The following TMEM175 variants were observed in gnomAD, a reference collection of about 807,000 sequenced individuals.
TMEM175 encodes transmembrane protein 175, also known as endosomal/lysosomal proton channel TMEM175.
TMEM175 carries 36 observed loss-of-function variants against 36.5 expected under a neutral mutation model. That is an observed-to-expected ratio of 0.99 (90% CI 0.76 to 1.30). The LOEUF (loss-of-function observed/expected upper bound fraction) is 1.30, where lower values mean the gene tolerates loss of function less well. Among genes scored for constraint, TMEM175 ranks in the 50% most tolerant of loss-of-function variants. TMEM175 has a pLI of 0.00. For missense variants in TMEM175, 705 were observed against 692.8 expected (o/e 1.02, Z -0.20); for synonymous variants, 339 against 313.4 (o/e 1.08, Z -0.86).
intron 6 of TMEM175, 127 bp from the exon 7 acceptor site, chr4:952,240 C>T (rs1286465734): frequency 7.4e-6 from 6 of 807,998 alleles, no homozygotes; most frequent in Non-Finnish European, 1.2e-5. Context: ...TGGCGCCATC[C>T]TGTGATGGCC....
In TMEM175 at chr4:957,904, C is replaced by G. The variant is rs372100086; in HGVS notation, c.923C>G (p.Pro308Arg). Reference sequence around the variant, plus strand: ...GTGGCCGCCCTGAGTGCGACCGGGCCGCGCTTCCTGGCGTACTTCGGCTCC... The same window carrying G: ...GTGGCCGCCCTGAGTGCGACCGGGCGGCGCTTCCTGGCGTACTTCGGCTCC... ...SLVAALSATG[P>R]RFLAYFGSFA... Residue 308 changes from proline (P) to arginine (R), a missense_variant, in exon 11 of 11, where the codon CCG becomes CGG. Physicochemically the swap from Pro to Arg is moderately radical, Grantham distance 103 (BLOSUM62 -2). Coordinates refer to ENST00000264771, the MANE Select transcript of TMEM175 (RefSeq NM_032326.4). The G allele has an allele frequency of 5.6e-6, 9 of 1,612,860 alleles. No individual in the cohort carries two copies. The highest frequency in any genetic ancestry group is 7.6e-6 in the Non-Finnish European group (9 of 1,179,970).
chr4:954,394 G>A (rs1729355192), intron 8 of TMEM175, among the ~76,000 whole-genome samples: 1 of 152,222 alleles, frequency 6.6e-6, no homozygotes, highest in African/African-American at 2.4e-5. Context: ...CTGCTCATGG[G>A]GACATCAGCT....
intron 1 of TMEM175, among the ~76,000 whole-genome samples, chr4:945,240 G>A (rs1282239605): frequency 6.7e-6 from 1 of 149,816 alleles, no homozygotes; most frequent in Non-Finnish European, 1.5e-5. Flanking sequence ...CTAAACTGTC[G>A]CTGAAACACA....
intron 1 of TMEM175, among the ~76,000 whole-genome samples, chr4:946,593 A>G (rs923783397): frequency 6.6e-6 from 1 of 152,180 alleles, no homozygotes; most frequent in African/African-American, 2.4e-5. Context: ...TGTCTCCGTG[A>G]GGCGCTGGGG....
intron 1 of TMEM175, among the ~76,000 whole-genome samples, chr4:937,302 G>A (rs1161924151): frequency 1.3e-5 from 2 of 152,182 alleles, no homozygotes; most frequent in Non-Finnish European, 2.9e-5. Flanking sequence ...AGTAGCTCAT[G>A]CCTGTAATCC....
chr4:950,292 C>T, intron 3 of TMEM175, 129 bp from the exon 4 acceptor site: 1 of 726,896 alleles, frequency 1.4e-6, no homozygotes, highest in East Asian at 2.6e-5. Context: ...CCAGGTGCCT[C>T]ACAGGACCCA....
intron 9 of TMEM175, 123 bp downstream of exon 9, chr4:955,606 C>A: frequency 1.4e-6 from 2 of 1,427,150 alleles, no homozygotes; most frequent in Non-Finnish European, 9.6e-7. Flanking sequence ...CTGGGGCTCC[C>A]CCACTCCGCC....
In TMEM175 at chr4:932,544, G is replaced by T; in HGVS notation, c.-32+4G>T. The T allele has an allele frequency of 2.2e-6, 1 of 450,790 alleles. No homozygotes were observed. The highest frequency in any genetic ancestry group is 3.9e-6 in the Non-Finnish European group (1 of 258,336). The allele number at this position is 450,790 out of a possible 1,614,324, so 27.9% of individuals were successfully genotyped here. On this transcript the variant is annotated splice_donor_region_variant and intron_variant, in intron 1 of 10. Coordinates refer to ENST00000264771, the MANE Select transcript of TMEM175 (RefSeq NM_032326.4). This position sits in a 1 kb window ranked among gnomAD's most constrained non-coding sequence, Gnocchi z 4.0. Reference sequence around the variant, plus strand: ...CGCCGAGGCGATTCCCGCCCAGGTAGTTCAGCGCCCCAGTCCAGCTCCCGG... The same window carrying T: ...CGCCGAGGCGATTCCCGCCCAGGTATTTCAGCGCCCCAGTCCAGCTCCCGG...
At chr4:945,147 T>TAGGCAGCCTGTTATGGCAGTCCCAGTG (rs1727974183) in intron 1 of TMEM175, among the ~76,000 whole-genome samples, 1 of 69,888 alleles carries the variant, frequency 1.4e-5, no homozygotes, top group African/African-American at 5.8e-5. Flanking sequence ...GTGCAGACCC[T>TAGGCAGCCTGTTATGGCAGTCCCAGTG]AGGCAGCCTG....
chr4:941,678 C>T (rs936364619), intron 1 of TMEM175, among the ~76,000 whole-genome samples: 9 of 151,862 alleles, frequency 5.9e-5, no homozygotes, highest in African/African-American at 9.7e-5. Context: ...TCAGGTGATC[C>T]GCCCACCTTG....
intron 1 of TMEM175, among the ~76,000 whole-genome samples, chr4:937,646 C>G (rs183992889): frequency 1.3e-5 from 2 of 152,186 alleles, no homozygotes; most frequent in East Asian, 3.8e-4. Context: ...CAGTTCTATA[C>G]AAACTCGGAA....
chr4:947,814 C>T lies in TMEM175; in HGVS notation c.75C>T (p.Asp25=), dbSNP rs376251683. Residue 25 remains aspartate, a synonymous_variant, in exon 2 of 11, where the codon GAC becomes GAT. Transcript: ENST00000264771. ...GDCPPGRRDE[D]AGEGIQCSQR... The stretch of plus-strand genomic sequence containing the variant: ...GCCCCCCAGGCAGGAGAGACGAGGA[C>T]GCTGGGGAGGGGATCCAGTGCTCCC... The T allele has an allele frequency of 5.5e-3, 8,952 of 1,613,248 alleles. 494 individuals carry two copies. In the South Asian group the frequency reaches 0.091, roughly 16 times the overall value.
intron 8 of TMEM175, among the ~76,000 whole-genome samples, chr4:953,599 A>G (rs1729243740): frequency 6.6e-6 from 1 of 152,244 alleles, no homozygotes; most frequent in Admixed American, 6.5e-5. Flanking sequence ...AGGAAGGGGC[A>G]GCTGAGTGTC....
intron 1 of TMEM175, among the ~76,000 whole-genome samples, chr4:933,756 C>T (rs1431685705): frequency 6.6e-6 from 1 of 152,204 alleles, no homozygotes; most frequent in Non-Finnish European, 1.5e-5. Context: ...TCACATCAGC[C>T]TCTTAGCCGT....
At chr4:953,480 T>A in intron 8 of TMEM175, 126 bp downstream of exon 8, 1 of 1,223,376 alleles carries the variant, frequency 8.2e-7, no homozygotes, top group Non-Finnish European at 1.1e-6. Flanking sequence ...CCACCCAGGG[T>A]CTTGTGTGTG....
At chr4:952,622 CCTGTG>C (rs1235754482) in intron 7 of TMEM175, among the ~76,000 whole-genome samples, 172 bp downstream of exon 7, 1 of 104,262 alleles carries the variant, frequency 9.6e-6, no homozygotes, top group Non-Finnish European at 1.9e-5. Flanking sequence ...GGCCTGGGGT[CCTGTG>C]CTGTGTGTGT....
rs781518044 is a variant in TMEM175 at position 953,222 on chromosome 4, G to A, written c.495G>A (p.Pro165=). ...ALIVGYAFHF[P]HLLSPQIQRS... ...TTGTGGGGTACGCATTCCACTTCCCGCACCTGCTGAGCCCGCAGATCCAGC... is the reference window on the plus strand; with the variant it reads ...TTGTGGGGTACGCATTCCACTTCCCACACCTGCTGAGCCCGCAGATCCAGC... The change falls in exon 8 of 11, where the codon CCG becomes CCA. Residue 165 remains proline (P), a synonymous_variant. Coordinates refer to ENST00000264771, the MANE Select transcript of TMEM175 (RefSeq NM_032326.4). 20 of 1,612,862 alleles carry A rather than the reference G, an allele frequency of 1.2e-5. No individual in the cohort carries two copies. The Admixed American group carries it at 1.7e-4, about 13-fold the overall frequency.
At position 953,271 on chromosome 4, in the gene TMEM175, C is replaced by T. The variant is rs763518990; in HGVS notation, c.544C>T (p.Arg182Ter). ...GCGCTCTGCCCACAGGGCTCTGTAC[C>T]GACGACACGTCCTGGGCATCGTCCT... ...IQRSAHRALY[R>*]RHVLGIVLQG... Residue 182 changes from arginine to a stop codon, truncating the protein, a stop_gained, in exon 8 of 11, where the codon CGA becomes TGA. Coordinates refer to ENST00000264771, the MANE Select transcript of TMEM175 (RefSeq NM_032326.4). LOFTEE classifies it high-confidence loss of function. The T allele has an allele frequency of 2.2e-5, 35 of 1,613,978 alleles. No individual in the cohort carries two copies. Among genetic ancestry groups the T allele is most frequent in the East Asian group, 4.5e-5 (2 of 44,892 alleles).
intron 1 of TMEM175, among the ~76,000 whole-genome samples, chr4:944,841 C>T (rs534267531): frequency 1.3e-5 from 2 of 152,292 alleles, no homozygotes; most frequent in South Asian, 4.1e-4. Flanking sequence ...TGGCTCTCGC[C>T]TGTAATCCAA....
Sources: allele counts gnomAD v4.1 joint callset (sites outside exome capture counted in the v4.1 genomes callset), GRCh38; gene constraint gnomAD v4.1.1; non-coding constraint Gnocchi (gnomAD v3.1); transcripts MANE v1.5; gene names NCBI Gene and HGNC (gene_info 2026-07-23, HGNC 2026-07-21).